ATG7: variants seen among roughly 807,000 people sequenced by gnomAD.
ATG7 encodes the protein ubiquitin-like modifier-activating enzyme ATG7.
ATG7 carries 70 observed loss-of-function variants against 82.4 expected under a neutral mutation model. The ratio of observed to expected loss-of-function variants is 0.85; its 90% confidence interval spans 0.70 to 1.04. The LOEUF is 1.04. ATG7 is among the 50% of genes least tolerant of loss of function. The probability of loss-of-function intolerance (pLI) is 0.00; values close to 1 mark genes in which losing one functional copy is unlikely to be tolerated. For synonymous variants in ATG7, 287 were observed against 313.0 expected (o/e 0.92, Z 0.88); for missense variants, 792 against 864.3 (o/e 0.92, Z 1.05).
intron 5 of ATG7, among the ~76,000 whole-genome samples, chr3:11,300,739 C>T (rs1392900785): frequency 2.0e-5 from 3 of 152,080 alleles, no homozygotes; most frequent in African/African-American, 7.2e-5. Context: ...CTTTGTGGAC[C>T]CATACAGCCA....
At chr3:11,387,454 C>CT (rs2078407797) in intron 19 of ATG7, among the ~76,000 whole-genome samples, 1 of 152,150 alleles carries the variant, frequency 6.6e-6, no homozygotes, top group Admixed American at 6.6e-5. Context: ...TACAGGATCC[C>CT]TTTTGCCACT....
Position 11,514,598 on chromosome 3 carries a change from G to A in ATG7, c.2080-40213G>A, listed in dbSNP as rs370308890. Among the ~76,000 whole-genome samples, 19 of 152,332 alleles carry A rather than the reference G, an allele frequency of 1.2e-4. No homozygotes were observed. The South Asian group carries it at 3.3e-3, about 27-fold the overall frequency. On this transcript the variant is annotated intron_variant, in intron 20 of 20. Transcript: ENST00000693202. ...TAGCCAGCTCTATGGTGATTCTGCC[G>A]GGTAAGCCACTAGCTGTTGAGATGA...
At chr3:11,401,261 G>A (rs868404117) in intron 19 of ATG7, among the ~76,000 whole-genome samples, 7 of 152,140 alleles carry the variant, frequency 4.6e-5, no homozygotes, top group African/African-American at 1.4e-4. Flanking sequence ...TGTGCTTTGT[G>A]ACTTTTTTTG....
At chr3:11,518,751 A>G (rs1368648464) in intron 20 of ATG7, among the ~76,000 whole-genome samples, 1 of 152,216 alleles carries the variant, frequency 6.6e-6, no homozygotes, top group African/African-American at 2.4e-5. Flanking sequence ...TTGTGGAAGC[A>G]TAGGGAAACA....
the ATG7 span, among the ~76,000 whole-genome samples, chr3:11,562,901 C>T: frequency 2.0e-5 from 3 of 152,242 alleles, no homozygotes; most frequent in African/African-American, 7.2e-5. Flanking sequence ...CCTAGGAAAG[C>T]TGCTCAGGAG....
intron 20 of ATG7, among the ~76,000 whole-genome samples, chr3:11,523,653 A>G (rs1010583137): frequency 1.3e-5 from 2 of 152,226 alleles, no homozygotes; most frequent in African/African-American, 4.8e-5. Flanking sequence ...CTCTGGAGGA[A>G]GTGCTCTGGT....
chr3:11,468,007 T>A (rs1056330445), intron 20 of ATG7, among the ~76,000 whole-genome samples: 1 of 152,212 alleles, frequency 6.6e-6, no homozygotes, highest in Non-Finnish European at 1.5e-5. Context: ...ATACTGGTGT[T>A]CTTACAGTTG....
intron 20 of ATG7, among the ~76,000 whole-genome samples, chr3:11,489,759 T>C (rs907139081): frequency 6.6e-6 from 1 of 150,818 alleles, no homozygotes; most frequent in Non-Finnish European, 1.5e-5. Context: ...AGGAGCAGGT[T>C]GTTCAGTTTC....
At chr3:11,356,781 T>C (rs2075962631) in intron 14 of ATG7, among the ~76,000 whole-genome samples, 1 of 152,204 alleles carries the variant, frequency 6.6e-6, no homozygotes, top group Non-Finnish European at 1.5e-5. Context: ...ATTTGGTACA[T>C]AGTAGGTGCA....
intron 19 of ATG7, among the ~76,000 whole-genome samples, chr3:11,396,619 A>T (rs1377347168): frequency 6.6e-6 from 1 of 152,120 alleles, no homozygotes; most frequent in African/African-American, 2.4e-5. Flanking sequence ...TCTACAAAAA[A>T]TACAAACTAA....
intron 20 of ATG7, among the ~76,000 whole-genome samples, chr3:11,497,730 T>G (rs2090965978): frequency 1.3e-5 from 2 of 151,948 alleles, no homozygotes; most frequent in African/African-American, 2.4e-5. Context: ...AAGGGCAACT[T>G]TGGTACACGA....
At chr3:11,559,333 G>A (rs201659732), downstream of ATG7, 1,577 of 1,539,444 alleles carry the variant, frequency 1.0e-3, 3 homozygotes, top group Admixed American at 1.2e-3. Context: ...GACACTCACC[G>A]CTCGGTGGCC....
the ATG7 span, among the ~76,000 whole-genome samples, chr3:11,566,266 A>G: frequency 6.6e-6 from 1 of 152,222 alleles, no homozygotes; most frequent in Non-Finnish European, 1.5e-5. Flanking sequence ...GTACCTTTCT[A>G]AAACTGTAGA....
chr3:11,499,606 G>C lies in ATG7; in HGVS notation c.2080-55205G>C, dbSNP rs6788892. On this transcript the variant is annotated intron_variant, in intron 20 of 20. Coordinates refer to ENST00000693202, the MANE Select transcript of ATG7 (RefSeq NM_001349232.2). ...ACTAAAAATACAAAAAATTAGACAG[G>C]TGTGGTGGTGCACACCTGTAGTCCC... Among the ~76,000 whole-genome samples, 414 of 152,116 alleles carry C rather than the reference G, an allele frequency of 2.7e-3. 2 individuals carry two copies. Among genetic ancestry groups the C allele is most frequent in the Middle Eastern group, 0.01 (3 of 294 alleles).
intron 1 of ATG7, among the ~76,000 whole-genome samples, chr3:11,275,364 T>A (rs1941506791): frequency 6.6e-6 from 1 of 151,488 alleles, no homozygotes. Flanking sequence ...TTTCTTTTTT[T>A]TTGAGATGGA....
chr3:11,432,115 G>C (rs527653144), intron 20 of ATG7, among the ~76,000 whole-genome samples: 1 of 152,308 alleles, frequency 6.6e-6, no homozygotes, highest in South Asian at 2.1e-4. Flanking sequence ...TGGAGACTGG[G>C]GACCAGGCTG....
At chr3:11,524,300 C>T (rs1343407296) in intron 20 of ATG7, among the ~76,000 whole-genome samples, 1 of 152,214 alleles carries the variant, frequency 6.6e-6, no homozygotes, top group Non-Finnish European at 1.5e-5. Flanking sequence ...CCACTCTTGT[C>T]CCCACTGGGA....
At chr3:11,280,662 TTTC>T (rs1942885541) in intron 1 of ATG7, among the ~76,000 whole-genome samples, 1 of 152,354 alleles carries the variant, frequency 6.6e-6, no homozygotes. Context: ...GTATTGCCTG[TTTC>T]TTCTTTTGTC....
chr3:11,552,990 A>T (rs2125067768), intron 20 of ATG7, among the ~76,000 whole-genome samples: 1 of 152,236 alleles, frequency 6.6e-6, no homozygotes, highest in Non-Finnish European at 1.5e-5. Context: ...GAACAACCCC[A>T]ACCACCCATT....
Sources: gnomAD v4.1 joint callset for allele counts (sites outside exome capture counted in the v4.1 genomes callset) on GRCh38, gnomAD v4.1.1 for gene constraint, MANE v1.5 for transcripts, NCBI Gene and HGNC (gene_info 2026-07-23, HGNC 2026-07-21) for gene names.